The following LDB2 variants were observed in gnomAD, a reference collection of about 807,000 sequenced individuals.
LDB2 encodes the protein LIM domain binding 2.
A neutral mutation model predicts 44.3 loss-of-function variants in LDB2; 12 were observed. The ratio of observed to expected loss-of-function variants is 0.27; its 90% CI spans 0.17 to 0.44. LDB2 has a LOEUF of 0.44. LDB2 is among the 20% of genes least tolerant of loss of function. LDB2 has a pLI of 1.00. For missense variants in LDB2, 344 were observed against 473.5 expected, an observed-to-expected ratio of 0.73 and a Z score of 2.54; for synonymous variants, 164 against 174.8, an observed-to-expected ratio of 0.94 and a Z score of 0.49.
intron 5 of LDB2, among the ~76,000 whole-genome samples, chr4:16,562,607 C>T (rs1487850433): frequency 6.6e-6 from 1 of 152,208 alleles, no homozygotes; most frequent in Non-Finnish European, 1.5e-5. Context: ...AACACTTTTA[C>T]ACTGTTGGTG....
intron 1 of LDB2, among the ~76,000 whole-genome samples, chr4:16,814,977 T>C (rs1780644394): frequency 6.6e-6 from 1 of 152,230 alleles, no homozygotes; most frequent in Non-Finnish European, 1.5e-5. Context: ...CAATGCCCGA[T>C]TTATGGAGAA....
intron 1 of LDB2, among the ~76,000 whole-genome samples, chr4:16,831,211 T>C (rs982600155): frequency 1.4e-5 from 2 of 139,056 alleles, no homozygotes; most frequent in African/African-American, 2.7e-5. Flanking sequence ...AGTGCAAATA[T>C]CATAAGGGAA....
At chr4:16,829,797 G>A (rs1172264743) in intron 1 of LDB2, among the ~76,000 whole-genome samples, 1 of 152,152 alleles carries the variant, frequency 6.6e-6, no homozygotes, top group Non-Finnish European at 1.5e-5. Context: ...TGAAGGCTGT[G>A]TATCCTCTCA....
intron 2 of LDB2, among the ~76,000 whole-genome samples, chr4:16,607,634 C>T (rs1220124742): frequency 1.6e-5 from 2 of 127,608 alleles, no homozygotes; most frequent in Admixed American, 1.6e-4. Context: ...CACATGTTAG[C>T]TCTACTTAAT....
chr4:16,747,878 G>GT (rs1197854734), intron 2 of LDB2, among the ~76,000 whole-genome samples: 1 of 152,036 alleles, frequency 6.6e-6, no homozygotes, highest in Non-Finnish European at 1.5e-5. Context: ...AAGAACTCTT[G>GT]TTTTTTCATT....
At chr4:16,687,108 A>C (rs1749434620) in intron 2 of LDB2, among the ~76,000 whole-genome samples, 1 of 150,638 alleles carries the variant, frequency 6.6e-6, no homozygotes, top group African/African-American at 2.5e-5. Flanking sequence ...TTTCCTCTAT[A>C]AACTTGAAAA....
At position 16,659,121 on chromosome 4, in the gene LDB2, ATTCT is replaced by A. The variant is rs552006104; in HGVS notation, c.236-63250_236-63247del. On this transcript the variant is annotated intron_variant, in intron 2 of 7. Transcript: ENST00000304523. ...GGGAATGTTCTCCAAAGACAGACACATTCTTACATATACGAAGGTTCTGCTCCAC... is the reference window on the plus strand; with the variant it reads ...GGGAATGTTCTCCAAAGACAGACACATACATATACGAAGGTTCTGCTCCAC... Among the ~76,000 whole-genome samples, 218 of 152,332 alleles carry A rather than the reference ATTCT, an allele frequency of 1.4e-3. 1 individual carries two copies. The highest frequency in any genetic ancestry group is 2.5e-3 in the Non-Finnish European group (167 of 68,026).
chr4:16,681,649 CAG>C (rs1747934831), intron 2 of LDB2, among the ~76,000 whole-genome samples: 3 of 95,734 alleles, frequency 3.1e-5, no homozygotes, highest in Non-Finnish European at 5.6e-5. Flanking sequence ...TTTTTTGCGA[CAG>C]AGTCTCGCTC....
At chr4:16,567,235 C>T (rs1744811562) in intron 5 of LDB2, among the ~76,000 whole-genome samples, 1 of 152,022 alleles carries the variant, frequency 6.6e-6, no homozygotes, top group South Asian at 2.1e-4. Flanking sequence ...TAGAAACAAC[C>T]TAAATGTCCA....
intron 2 of LDB2, among the ~76,000 whole-genome samples, chr4:16,629,578 T>A (rs1410914555): frequency 6.6e-6 from 1 of 151,866 alleles, no homozygotes; most frequent in Non-Finnish European, 1.5e-5. Flanking sequence ...GAGAAAGGAA[T>A]AGCATCAACA....
chr4:16,680,792 A>G (rs1055480056), intron 2 of LDB2, among the ~76,000 whole-genome samples: 7 of 152,194 alleles, frequency 4.6e-5, no homozygotes, highest in Non-Finnish European at 7.3e-5. Context: ...AGCAAAACCA[A>G]ACAACAAACA....
At chr4:16,562,845 A>C (rs1164169646) in intron 5 of LDB2, among the ~76,000 whole-genome samples, 1 of 152,266 alleles carries the variant, frequency 6.6e-6, no homozygotes, top group East Asian at 1.9e-4. Context: ...GACTGGATTA[A>C]GAAAATGTGG....
intron 1 of LDB2, among the ~76,000 whole-genome samples, chr4:16,867,870 A>G (rs1162467244): frequency 6.6e-6 from 1 of 152,170 alleles, no homozygotes; most frequent in Non-Finnish European, 1.5e-5. Context: ...AGAAGATATC[A>G]ACAATCCATG....
At chr4:16,772,971 T>C (rs1421894442) in intron 1 of LDB2, among the ~76,000 whole-genome samples, 3 of 152,142 alleles carry the variant, frequency 2.0e-5, no homozygotes, top group Non-Finnish European at 4.4e-5. Context: ...AAAATAAGTA[T>C]CTGGTAGATA....
intron 2 of LDB2, among the ~76,000 whole-genome samples, chr4:16,673,474 C>CTTA (rs1745453425): frequency 6.6e-6 from 1 of 152,178 alleles, no homozygotes. Flanking sequence ...GCGGAAAAGG[C>CTTA]TTAGGTCTTC....
At chr4:16,611,385 C>T (rs13127621) in intron 2 of LDB2, among the ~76,000 whole-genome samples, 89,587 of 151,868 alleles carry the variant, frequency 0.59, 26,614 homozygotes, top group Middle Eastern at 0.73. Context: ...TAAATGTAAA[C>T]AGGCTAAATG....
intron 2 of LDB2, among the ~76,000 whole-genome samples, chr4:16,687,553 G>A (rs1023559768): frequency 6.6e-5 from 10 of 152,156 alleles, no homozygotes; most frequent in Non-Finnish European, 1.3e-4. Context: ...TATTTTTAAT[G>A]ATGGAAATAA....
At chr4:16,837,658 A>G (rs1224103366) in intron 1 of LDB2, among the ~76,000 whole-genome samples, 3 of 152,224 alleles carry the variant, frequency 2.0e-5, no homozygotes, top group African/African-American at 4.8e-5. Flanking sequence ...ACTGCCAAAC[A>G]TGTGCATAAG....
chr4:16,643,346 A>G (rs1333373126), intron 2 of LDB2, among the ~76,000 whole-genome samples: 1 of 152,082 alleles, frequency 6.6e-6, no homozygotes, highest in African/African-American at 2.4e-5. Context: ...TGAGCTTCCT[A>G]TTTTCAGATT....
Sources: allele counts gnomAD v4.1 joint callset (sites outside exome capture counted in the v4.1 genomes callset), GRCh38; gene constraint gnomAD v4.1.1; transcripts MANE v1.5; gene names NCBI Gene and HGNC (gene_info 2026-07-23, HGNC 2026-07-21).